Variants in DAB1 observed in about 807,000 individuals in gnomAD.
The protein encoded by DAB1 is DAB adaptor protein 1.
A neutral mutation model predicts 64.6 loss-of-function variants in DAB1; 15 were observed. The observed-to-expected ratio is 0.23, with a 90% CI of 0.16 to 0.36. The LOEUF (loss-of-function observed/expected upper bound fraction) is 0.36, where lower values mean the gene tolerates loss of function less well. Among genes scored for constraint, DAB1 ranks in the 10% least tolerant of loss-of-function variants. The probability of loss-of-function intolerance (pLI) is 1.00; values close to 1 mark genes in which losing one functional copy is unlikely to be tolerated. For missense variants in DAB1, 596 were observed against 706.7 expected, an observed-to-expected ratio of 0.84 and a Z score of 1.78; for synonymous variants, 235 against 251.9, an observed-to-expected ratio of 0.93 and a Z score of 0.64.
At chr1:57,311,058 C>T (rs1162077586) in intron 1 of DAB1, among the ~76,000 whole-genome samples, 2 of 151,964 alleles carry the variant, frequency 1.3e-5, no homozygotes, top group African/African-American at 4.8e-5. Context: ...AGACAAGCGG[C>T]AGAACTCAGA....
intron 5 of DAB1, among the ~76,000 whole-genome samples, chr1:57,923,542 T>C (rs1220030870): frequency 6.6e-6 from 1 of 152,194 alleles, no homozygotes; most frequent in African/African-American, 2.4e-5. Flanking sequence ...TCCCCCTTAC[T>C]TAACTCTAAG....
chr1:57,014,795 A>T, intron 12 of DAB1, 88 bp downstream of exon 12: 1 of 1,078,096 alleles, frequency 9.3e-7, no homozygotes, highest in Non-Finnish European at 1.3e-6. Context: ...AATGCAAGTG[A>T]GATGAGTTAT....
At chr1:57,951,701 T>G (rs968374337) in intron 5 of DAB1, among the ~76,000 whole-genome samples, 4 of 152,154 alleles carry the variant, frequency 2.6e-5, no homozygotes, top group Non-Finnish European at 5.9e-5. Flanking sequence ...GTACAGCACC[T>G]GGTGCTTAGT....
intron 4 of DAB1, among the ~76,000 whole-genome samples, chr1:58,233,768 T>C (rs889847704): frequency 2.0e-5 from 3 of 152,106 alleles, no homozygotes; most frequent in Admixed American, 2.0e-4. Flanking sequence ...CCACAGACCA[T>C]AAGAATTTGA....
intron 3 of DAB1, among the ~76,000 whole-genome samples, chr1:58,413,166 C>T (rs968290876): frequency 3.3e-5 from 5 of 152,200 alleles, no homozygotes; most frequent in African/African-American, 1.2e-4. Context: ...TAGCTTAGCA[C>T]TTGGCCTATT....
chr1:58,185,239 G>A (rs1172666337), intron 4 of DAB1, among the ~76,000 whole-genome samples: 2 of 152,150 alleles, frequency 1.3e-5, no homozygotes, highest in Admixed American at 1.3e-4. Flanking sequence ...AAAATGAGAG[G>A]GAAGCAGGAG....
intron 5 of DAB1, among the ~76,000 whole-genome samples, chr1:58,135,779 G>T (rs1214019906): frequency 6.6e-5 from 10 of 152,150 alleles, no homozygotes. Flanking sequence ...ATATCTTGGG[G>T]GAGTTAAGAG....
chr1:57,073,806 C>T (rs1651732925), intron 4 of DAB1, among the ~76,000 whole-genome samples: 2 of 152,166 alleles, frequency 1.3e-5, no homozygotes, highest in Non-Finnish European at 2.9e-5. Context: ...AAAAACTAAA[C>T]AGAAATATGT....
chr1:58,233,996 A>G (rs1659901534), intron 4 of DAB1, among the ~76,000 whole-genome samples: 1 of 152,226 alleles, frequency 6.6e-6, no homozygotes. Flanking sequence ...TCAGCCTTCA[A>G]AAAGAGCTCA....
At chr1:58,064,068 T>C (rs1005806493) in intron 5 of DAB1, among the ~76,000 whole-genome samples, 8 of 152,154 alleles carry the variant, frequency 5.3e-5, no homozygotes, top group African/African-American at 1.9e-4. Flanking sequence ...CTCCCTTTAT[T>C]CCTCAACTGT....
At chr1:57,127,456 C>T (rs1657225101) in intron 4 of DAB1, among the ~76,000 whole-genome samples, 1 of 152,188 alleles carries the variant, frequency 6.6e-6, no homozygotes, top group African/African-American at 2.4e-5. Flanking sequence ...ATGCCCTGAC[C>T]TTGCCTCGCT....
intron 1 of DAB1, among the ~76,000 whole-genome samples, chr1:58,532,413 T>C (rs1646447741): frequency 6.6e-6 from 1 of 152,250 alleles, no homozygotes; most frequent in Non-Finnish European, 1.5e-5. Context: ...AATGCTAAAA[T>C]GGCCAAAACT....
intron 1 of DAB1, among the ~76,000 whole-genome samples, chr1:57,312,621 A>C (rs987518321): frequency 2.0e-5 from 3 of 152,274 alleles, no homozygotes; most frequent in Admixed American, 1.3e-4. Context: ...CCAGGATCTG[A>C]TTTAGTTGTT....
intron 3 of DAB1, among the ~76,000 whole-genome samples, chr1:58,408,565 A>G (rs1644638799): frequency 1.3e-5 from 2 of 152,162 alleles, no homozygotes; most frequent in South Asian, 4.1e-4. Context: ...GAATAAGTGG[A>G]AGATCTGATT....
chr1:57,517,818 TG>T (rs1416237506), intron 7 of DAB1, among the ~76,000 whole-genome samples: 3 of 152,210 alleles, frequency 2.0e-5, no homozygotes, highest in African/African-American at 4.8e-5. Flanking sequence ...TTCTCCACAT[TG>T]TTTTCTGCAG....
Position 58,339,314 on chromosome 1 carries a change from A to G in DAB1, n.309+4038T>C, listed in dbSNP as rs539026690. ...ATTTATCAAACTTTCTCTACATATC[A>G]AGCCCTGTTCTAGATCCTGGAAATA... On this transcript the variant is annotated intron_variant and non_coding_transcript_variant, in intron 4 of 20. Transcript: ENST00000485760. Among the ~76,000 whole-genome samples, 3 of 152,278 alleles carry G rather than the reference A, an allele frequency of 2.0e-5. No homozygotes were observed. In the South Asian group the frequency reaches 6.2e-4, roughly 32 times the overall value.
intron 6 of DAB1, among the ~76,000 whole-genome samples, chr1:57,754,061 G>A (rs947785697): frequency 2.0e-5 from 3 of 152,194 alleles, no homozygotes; most frequent in African/African-American, 7.2e-5. Context: ...GAGCAAGAAT[G>A]AGAGCTTATC....
At chr1:58,003,454 C>A (rs1213831591) in intron 5 of DAB1, among the ~76,000 whole-genome samples, 2 of 152,136 alleles carry the variant, frequency 1.3e-5, no homozygotes, top group African/African-American at 2.4e-5. Flanking sequence ...CCAAAGTGCT[C>A]TAGGATTTCT....
At chr1:58,375,495 G>GTTTAT (rs1644314991) in intron 3 of DAB1, among the ~76,000 whole-genome samples, 1 of 142,168 alleles carries the variant, frequency 7.0e-6, no homozygotes, top group African/African-American at 2.6e-5. Flanking sequence ...ATTGATTTGC[G>GTTTAT]TATATTGAAC....
Sources: gnomAD v4.1 joint callset for allele counts (sites outside exome capture counted in the v4.1 genomes callset) on GRCh38, gnomAD v4.1.1 for gene constraint, MANE v1.5 for transcripts, NCBI Gene and HGNC (gene_info 2026-07-23, HGNC 2026-07-21) for gene names.